The following SARM1 variants were observed in gnomAD, a reference collection of about 807,000 sequenced individuals.
SARM1 encodes the protein NAD(+) hydrolase SARM1.
Under a neutral mutation model 65.1 loss-of-function variants are expected in SARM1, and 60 were observed. That is an observed-to-expected ratio of 0.92 (90% CI 0.75 to 1.14). The LOEUF (loss-of-function observed/expected upper bound fraction) is 1.14. Ranked by LOEUF, SARM1 falls within the 50% of genes most tolerant of loss-of-function variation. SARM1 has a pLI of 0.00. For synonymous variants in SARM1, 417 were observed against 465.4 expected (o/e 0.90, Z 1.34); for missense variants, 913 against 1,015.7 (o/e 0.90, Z 1.37).
chr17:28,398,525 A>G lies in SARM1; in HGVS notation c.*2239A>G, dbSNP rs1203498416. On this transcript the variant is annotated 3_prime_UTR_variant, in exon 9 of 9. Coordinates refer to ENST00000585482, the MANE Select transcript of SARM1 (RefSeq NM_015077.4). ...AGGACTCAGAAGTGGCCTTTCCTCC[A>G]AAGCCTGCTCAGACACAGGTCTGTA... The G allele has an allele frequency of 6.6e-6, 1 of 152,306 alleles. No individual in the cohort carries two copies. Among genetic ancestry groups the G allele is most frequent in the African/African-American group, 2.4e-5 (1 of 41,456 alleles). The allele number at this position is 152,306 out of a possible 1,614,324, so 9.4% of individuals were successfully genotyped here.
At chr17:28,374,182 T>C (rs1474427615) in intron 1 of SARM1, 1 of 125,700 alleles carries the variant, frequency 8.0e-6, no homozygotes, top group Non-Finnish European at 1.6e-5. Flanking sequence ...GAGACTGAGG[T>C]GGAAGAATCG....
At chr17:28,377,764 C>A (rs543928864) in intron 1 of SARM1, among the ~76,000 whole-genome samples, 30 of 152,280 alleles carry the variant, frequency 2.0e-4, no homozygotes, top group African/African-American at 6.7e-4. Context: ...GTGGTATAAC[C>A]TCGGCTCACT....
In SARM1 at chr17:28,381,643, A is replaced by T; in HGVS notation, c.911A>T (p.Asp304Val). Reference sequence around the variant, plus strand: ...GTGGAGCCGCTTGTGGCCTCGCTGGACCCTGGCCGCTTCGCCCGCTGTCTG... The same window carrying T: ...GTGGAGCCGCTTGTGGCCTCGCTGGTCCCTGGCCGCTTCGCCCGCTGTCTG... ...ALVEPLVASL[D>V]PGRFARCLVD... is the part of the protein sequence containing the mutation. The change falls in exon 2 of 9, where the codon GAC (aspartate) becomes GTC (valine). Residue 304 changes from aspartate (D) to valine (V), a missense_variant. Asp to Val is a radical substitution (Grantham distance 152). Around this residue, in one of 3 missense-constraint regions of SARM1, gnomAD observed 862 missense variants for 952.1 expected, o/e 0.91. Coordinates refer to ENST00000585482, the MANE Select transcript of SARM1 (RefSeq NM_015077.4). The T allele has an allele frequency of 6.4e-7, 1 of 1,559,628 alleles. No homozygotes were observed. Among genetic ancestry groups the T allele is most frequent in the East Asian group, 2.4e-5 (1 of 41,778 alleles).
chr17:28,392,362 C>T (rs984168383), intron 7 of SARM1, among the ~76,000 whole-genome samples: 23 of 151,990 alleles, frequency 1.5e-4, no homozygotes, highest in Non-Finnish European at 2.8e-4. Context: ...GTGATCCGCC[C>T]GCCTTGGCCT....
In SARM1 at chr17:28,372,466, C is replaced by T. The variant is rs970546135; in HGVS notation, c.434C>T (p.Ala145Val). The change falls in exon 1 of 9, where the codon GCG becomes GTG. Residue 145 changes from alanine (A) to valine (V), a missense_variant. By Grantham distance (64) the Ala-to-Val change is moderately conservative (BLOSUM62 0). Coordinates refer to ENST00000585482, the MANE Select transcript of SARM1 (RefSeq NM_015077.4). This position sits in a 1 kb window ranked among gnomAD's most constrained non-coding sequence, Gnocchi z 5.2. ...APELETRVQA[A>V]RLLEQILVAE... is the part of the protein sequence containing the mutation. ...GAGTTGGAGACGCGTGTGCAGGCCG[C>T]GCGCCTGCTGGAGCAGATCCTGGTG... 10 of 1,530,158 alleles carry T rather than the reference C, an allele frequency of 6.5e-6. No homozygotes were observed. In the South Asian group the frequency reaches 9.5e-5, roughly 15 times the overall value. The allele number at this position is 1,530,158 out of a possible 1,614,324, so 94.8% of individuals were successfully genotyped here.
rs952570959 is a variant in SARM1, at chr17:28,396,262, T to C, written c.2151T>C (p.Gly717=). 1 of 1,613,896 alleles carries C rather than the reference T, an allele frequency of 6.2e-7. No homozygotes were observed. Among genetic ancestry groups the C allele is most frequent in the Non-Finnish European group, 8.5e-7 (1 of 1,179,858 alleles). The stretch of plus-strand genomic sequence containing the variant: ...CAGGCTCTGACACCAGTTTGGAGGG[T>C]GCTGCACCCATGGGTCCAACCTAAC... ...SSAGSDTSLE[G]AAPMGPT is the part of the protein sequence containing the mutation. The change falls in exon 9 of 9, where the codon GGT becomes GGC. Residue 717 remains glycine (G), a synonymous_variant. Coordinates refer to ENST00000585482, the MANE Select transcript of SARM1 (RefSeq NM_015077.4).
intron 7 of SARM1, among the ~76,000 whole-genome samples, chr17:28,392,739 C>T (rs1460106747): frequency 3.3e-5 from 5 of 152,230 alleles, no homozygotes; most frequent in East Asian, 1.9e-4. Context: ...CAGTCAAGGA[C>T]GAAGTTACGC....
chr17:28,390,544 T>C (rs1292605539), intron 7 of SARM1, among the ~76,000 whole-genome samples: 3 of 152,142 alleles, frequency 2.0e-5, no homozygotes, highest in Non-Finnish European at 4.4e-5. Flanking sequence ...TCCCTTATTA[T>C]GTGATGTTAT....
Position 28,372,437 on chromosome 17 carries a change from G to T in SARM1, c.405G>T (p.Ala135=), listed in dbSNP as rs1555584206. ...ACCTGCTGTTGCGGCTGCTGCAGGCGCCGGAGTTGGAGACGCGTGTGCAGG... is the reference window on the plus strand; with the variant it reads ...ACCTGCTGTTGCGGCTGCTGCAGGCTCCGGAGTTGGAGACGCGTGTGCAGG... ...GLDLLLRLLQ[A]PELETRVQAA... The change falls in exon 1 of 9, where the codon GCG becomes GCT. Residue 135 remains alanine, a synonymous_variant. Coordinates refer to ENST00000585482, the MANE Select transcript of SARM1 (RefSeq NM_015077.4). This position sits in a 1 kb window ranked among gnomAD's most constrained non-coding sequence, Gnocchi z 5.2. 2.6e-6 allele frequency: 4 copies of T among 1,530,222 alleles called. No individual in the cohort carries two copies. The highest frequency in any genetic ancestry group is 3.5e-6 in the Non-Finnish European group (4 of 1,145,192). 94.8% of individuals were successfully genotyped at this position (1,530,222 alleles called of 1,614,324 possible). A position where few individuals can be genotyped will look rare whatever the true frequency, so the allele number is the denominator to read the frequency against.
intron 7 of SARM1, among the ~76,000 whole-genome samples, chr17:28,389,386 ATC>A (rs2068069508): frequency 6.6e-6 from 1 of 152,206 alleles, no homozygotes; most frequent in African/African-American, 2.4e-5. Context: ...TAACTACTAT[ATC>A]TGTTTAATTC....
chr17:28,387,275 C>T lies in SARM1; in HGVS notation c.1631-899C>T, dbSNP rs538237634. 1.7e-4 allele frequency among the ~76,000 whole-genome samples: 25 copies of T among 151,012 alleles called. 1 individual carries two copies. Among genetic ancestry groups the T allele is most frequent in the African/African-American group, 6.1e-4 (25 of 41,084 alleles). On this transcript the variant is annotated intron_variant, in intron 5 of 8. Coordinates refer to ENST00000585482, the MANE Select transcript of SARM1 (RefSeq NM_015077.4). ...TTAGTCAGAGTCTCACTCTGTCGCC[C>T]AGGCTAGAGTGCGGTGGTGCATTCT...
Position 28,372,206 on chromosome 17 carries a change from C to A in SARM1, c.174C>A (p.Gly58=). The change falls in exon 1 of 9, where the codon GGC becomes GGA. Residue 58 remains glycine (G), a synonymous_variant. Coordinates refer to ENST00000585482, the MANE Select transcript of SARM1 (RefSeq NM_015077.4). This position sits in a 1 kb window ranked among gnomAD's most constrained non-coding sequence, Gnocchi z 5.2. ...CCCGCGAAGTGTCGCCGGGGGCAGG[C>A]ACCGAGGTGCAGGACGCCCTGGAGC... is the stretch of plus-strand genomic sequence containing the variant. ...RGPREVSPGA[G]TEVQDALERA... The A allele has an allele frequency of 1.5e-6, 2 of 1,376,320 alleles. No individual in the cohort carries two copies. Among genetic ancestry groups the A allele is most frequent in the Non-Finnish European group, 1.9e-6 (2 of 1,074,218 alleles). The allele number at this position is 1,376,320 out of a possible 1,614,324, so 85.3% of individuals were successfully genotyped here.
Position 28,384,383 on chromosome 17 carries a change from G to A in SARM1, c.1116G>A (p.Gln372=), listed in dbSNP as rs2068038827. 1 of 1,605,206 alleles carries A rather than the reference G, an allele frequency of 6.2e-7. No individual in the cohort carries two copies. The highest frequency in any genetic ancestry group is 8.5e-7 in the Non-Finnish European group (1 of 1,174,942). ...TKVFSDIGAI[Q]SLKRLVSYST... ...TGTTCAGCGACATCGGCGCCATCCA[G>A]AGCCTGAAACGCCTGGTTTCCTACT... The change falls in exon 3 of 9, where the codon CAG becomes CAA. Residue 372 remains glutamine (Q), a synonymous_variant. Coordinates refer to ENST00000585482, the MANE Select transcript of SARM1 (RefSeq NM_015077.4). This position sits in a 1 kb window ranked among gnomAD's most constrained non-coding sequence, Gnocchi z 4.4.
chr17:28,400,648 C>T lies in SARM1; in HGVS notation c.*4362C>T. On this transcript the variant is annotated 3_prime_UTR_variant, in exon 9 of 9. Transcript: ENST00000585482. Reference sequence around the variant, plus strand: ...CCGGGATGAGCAGGAGGCCAGCTCCCAGGAGGAAGGGGAACCCCTTCATAA... The same window carrying T: ...CCGGGATGAGCAGGAGGCCAGCTCCTAGGAGGAAGGGGAACCCCTTCATAA... 6.2e-7 allele frequency: 1 copy of T among 1,613,744 alleles called. No individual in the cohort carries two copies.
rs538419021 is a variant in SARM1 at position 28,380,940 on chromosome 17, A to AG, written c.471-261dup. On this transcript the variant is annotated intron_variant, in intron 1 of 8. Transcript: ENST00000585482. ...ACCCAGGGGATCTGCTCCTGAGCTG[A>AG]GGCTCTTAGCCACCACACATACTGC... is the stretch of plus-strand genomic sequence containing the variant. 1.8e-4 allele frequency among the ~76,000 whole-genome samples: 27 copies of AG among 152,330 alleles called. No homozygotes were observed. The East Asian group carries it at 5.2e-3, about 29-fold the overall frequency.
At chr17:28,381,960 C>G in intron 2 of SARM1, 139 bp downstream of exon 2, 1 of 1,153,476 alleles carries the variant, frequency 8.7e-7, no homozygotes, top group Non-Finnish European at 1.1e-6. Flanking sequence ...GCGGGCCAGT[C>G]ATTTTGGCGT....
At chr17:28,391,212 CAA>C (rs1231603170) in intron 7 of SARM1, among the ~76,000 whole-genome samples, 1 of 152,124 alleles carries the variant, frequency 6.6e-6, no homozygotes, top group Non-Finnish European at 1.5e-5. Flanking sequence ...CACTACAAAT[CAA>C]AGTTTTGTTA....
rs1003488965 is a variant in SARM1, at chr17:28,372,839, C to G, written c.470+337C>G. Among the ~76,000 whole-genome samples, 1 of 151,972 alleles carries G rather than the reference C, an allele frequency of 6.6e-6. No individual in the cohort carries two copies. The highest frequency in any genetic ancestry group is 1.5e-5 in the Non-Finnish European group (1 of 68,040). ...CCCTCTCCCCCGCCCCCCAAGCCCA[C>G]AGCTCTCCTTCCCACCGGCTTGGGT... is the stretch of plus-strand genomic sequence containing the variant. On this transcript the variant is annotated intron_variant, in intron 1 of 8. Coordinates refer to ENST00000585482, the MANE Select transcript of SARM1 (RefSeq NM_015077.4). The surrounding 1 kb of genome is among the most constrained non-coding windows in gnomAD (Gnocchi z 5.2).
Position 28,399,590 on chromosome 17 carries a change from T to C in SARM1, c.*3304T>C. ...TCCTGCTGTGGGCTGGGCTTCCAGC[T>C]GCAGACCTCCAGTTGCTTGGTGTTC... On this transcript the variant is annotated 3_prime_UTR_variant, in exon 9 of 9. Coordinates refer to ENST00000585482, the MANE Select transcript of SARM1 (RefSeq NM_015077.4). 2 of 1,554,086 alleles carry C rather than the reference T, an allele frequency of 1.3e-6. No individual in the cohort carries two copies. The highest frequency in any genetic ancestry group is 8.9e-7 in the Non-Finnish European group (1 of 1,126,718).
Sources: gnomAD v4.1 joint callset for allele counts (sites outside exome capture counted in the v4.1 genomes callset) on GRCh38, gnomAD v4.1.1 for gene constraint, gnomAD v4.1.1 regional missense constraint, Gnocchi (gnomAD v3.1) non-coding constraint, MANE v1.5 for transcripts, NCBI Gene and HGNC (gene_info 2026-07-23, HGNC 2026-07-21) for gene names.